The following GABRG3 variants were observed in gnomAD, a reference collection of about 807,000 sequenced individuals.
The protein encoded by GABRG3 is gamma-aminobutyric acid type A receptor subunit gamma3.
In GABRG3, 25 loss-of-function variants were observed where a neutral mutation model predicts 48.8. That is an observed-to-expected ratio of 0.51 (90% CI 0.37 to 0.72). The LOEUF is 0.72. Among genes scored for constraint, GABRG3 ranks in the 30% least tolerant of loss-of-function variants. The pLI is 0.00. For synonymous variants in GABRG3, 227 were observed against 217.6 expected (o/e 1.04, Z -0.38); for missense variants, 394 against 577.9 (o/e 0.68, Z 3.26).
chr15:27,136,067 G>T (rs1898003718), intron 3 of GABRG3, among the ~76,000 whole-genome samples: 1 of 152,208 alleles, frequency 6.6e-6, no homozygotes, highest in Non-Finnish European at 1.5e-5. Flanking sequence ...ACGAGGGGTG[G>T]CAGGGAGTCC....
chr15:27,440,487 A>T (rs528114088), intron 5 of GABRG3, among the ~76,000 whole-genome samples: 2 of 152,314 alleles, frequency 1.3e-5, no homozygotes, highest in South Asian at 2.1e-4. Context: ...ATTGGAATGT[A>T]CCTGATGCCA....
At chr15:27,393,159 A>G (rs1001292819) in intron 5 of GABRG3, among the ~76,000 whole-genome samples, 1 of 152,032 alleles carries the variant, frequency 6.6e-6, no homozygotes, top group South Asian at 2.1e-4. Flanking sequence ...TCCTGGCAAC[A>G]CGGTGAAACC....
chr15:27,120,971 A>G (rs1897721048), intron 3 of GABRG3, among the ~76,000 whole-genome samples: 1 of 152,226 alleles, frequency 6.6e-6, no homozygotes, highest in Non-Finnish European at 1.5e-5. Flanking sequence ...CCTTAAAATA[A>G]CAAAGTAAGT....
At chr15:27,232,776 C>T (rs1007398583) in intron 3 of GABRG3, among the ~76,000 whole-genome samples, 3 of 152,204 alleles carry the variant, frequency 2.0e-5, no homozygotes, top group African/African-American at 7.2e-5. Flanking sequence ...TACTAATAAA[C>T]ATTTTTAGTG....
At chr15:27,196,991 C>T (rs879940414) in intron 3 of GABRG3, among the ~76,000 whole-genome samples, 1 of 152,154 alleles carries the variant, frequency 6.6e-6, no homozygotes, top group African/African-American at 2.4e-5. Flanking sequence ...GAGCACACAG[C>T]TCTATTAAGT....
intron 3 of GABRG3, among the ~76,000 whole-genome samples, chr15:27,186,588 C>A (rs1888105747): frequency 6.6e-6 from 1 of 152,124 alleles, no homozygotes; most frequent in African/African-American, 2.4e-5. Flanking sequence ...TTTGAGAAAT[C>A]TCTAAACTGC....
rs1169596895 is a variant in GABRG3 at position 27,156,515 on chromosome 15, T to C, written c.270+129694T>C. ...AAGATACTCGCTACCATGTCATCCC[T>C]TGGGTCCTGATGCCCTAACTGGTTT... On this transcript the variant is annotated intron_variant, in intron 3 of 9. Transcript: ENST00000615808. Among the ~76,000 whole-genome samples, 5 of 152,142 alleles carry C rather than the reference T, an allele frequency of 3.3e-5. No individual in the cohort carries two copies. In the East Asian group the frequency reaches 9.6e-4, roughly 29 times the overall value.
At chr15:27,219,053 T>C (rs1031894371) in intron 3 of GABRG3, among the ~76,000 whole-genome samples, 1 of 152,178 alleles carries the variant, frequency 6.6e-6, no homozygotes, top group African/African-American at 2.4e-5. Flanking sequence ...CCACGCGTGC[T>C]CTGACCTGGC....
intron 3 of GABRG3, among the ~76,000 whole-genome samples, chr15:27,235,872 C>T (rs958862335): frequency 6.6e-6 from 1 of 152,144 alleles, no homozygotes; most frequent in African/African-American, 2.4e-5. Flanking sequence ...GTTTGCTCTG[C>T]AGACCTCTCC....
At chr15:27,306,159 CTA>C (rs563176995) in intron 3 of GABRG3, among the ~76,000 whole-genome samples, 1,252 of 119,282 alleles carry the variant, frequency 0.01, 75 homozygotes, top group African/African-American at 0.039. Flanking sequence ...TAATATAAAC[CTA>C]TATGTTTATA....
intron 3 of GABRG3, among the ~76,000 whole-genome samples, chr15:27,164,047 A>C (rs1163278416): frequency 1.3e-5 from 2 of 152,358 alleles, no homozygotes; most frequent in East Asian, 3.9e-4. Flanking sequence ...GTAATTACAC[A>C]TAGAATAAAT....
intron 3 of GABRG3, among the ~76,000 whole-genome samples, chr15:27,029,505 G>A (rs1410342018): frequency 6.6e-6 from 1 of 151,956 alleles, no homozygotes; most frequent in East Asian, 1.9e-4. Context: ...ACACACGTAC[G>A]TGTGCACACA....
chr15:27,380,284 ATGT>A (rs573955667), intron 5 of GABRG3, among the ~76,000 whole-genome samples: 243 of 152,184 alleles, frequency 1.6e-3, no homozygotes, highest in Admixed American at 3.2e-3. Context: ...CTGTTTTTAC[ATGT>A]TGTCCACTTT....
intron 5 of GABRG3, among the ~76,000 whole-genome samples, chr15:27,381,831 G>A (rs1895786889): frequency 6.6e-6 from 1 of 152,112 alleles, no homozygotes; most frequent in Admixed American, 6.6e-5. Context: ...TGTCTGCTTG[G>A]ATGTGGGGAT....
chr15:27,186,255 A>T (rs912057454), intron 3 of GABRG3, among the ~76,000 whole-genome samples: 1 of 152,266 alleles, frequency 6.6e-6, no homozygotes, highest in East Asian at 1.9e-4. Context: ...ATGTAAGAAC[A>T]TGTGGTATTT....
At chr15:27,391,089 A>AC (rs1896209365) in intron 5 of GABRG3, among the ~76,000 whole-genome samples, 1 of 148,520 alleles carries the variant, frequency 6.7e-6, no homozygotes, top group Non-Finnish European at 1.5e-5. Context: ...CTCCATCTCA[A>AC]AAAAAAAAAA....
Position 27,105,125 on chromosome 15 carries a change from G to A in GABRG3, c.270+78304G>A, listed in dbSNP as rs1287704570. 2.0e-5 allele frequency among the ~76,000 whole-genome samples: 3 copies of A among 152,174 alleles called. No individual in the cohort carries two copies. In the East Asian group the frequency reaches 5.8e-4, roughly 29 times the overall value. ...AATATTAATTAAAAATTTAAAAGCA[G>A]GAGAAGCTATGGTAATATTCAATGA... is the stretch of plus-strand genomic sequence containing the variant. On this transcript the variant is annotated intron_variant, in intron 3 of 9. Coordinates refer to ENST00000615808, the MANE Select transcript of GABRG3 (RefSeq NM_033223.5).
chr15:27,189,234 C>A (rs1888210675), intron 3 of GABRG3, among the ~76,000 whole-genome samples: 1 of 151,510 alleles, frequency 6.6e-6, no homozygotes, highest in Admixed American at 6.6e-5. Context: ...TCCATATGAA[C>A]TTTAAAGTAG....
At chr15:27,038,884 T>C (rs1012936581) in intron 3 of GABRG3, among the ~76,000 whole-genome samples, 3 of 152,160 alleles carry the variant, frequency 2.0e-5, no homozygotes, top group Non-Finnish European at 4.4e-5. Context: ...GGGAAAGGTG[T>C]GCCACTCTCC....
Sources: allele counts gnomAD v4.1 joint callset (sites outside exome capture counted in the v4.1 genomes callset), GRCh38; gene constraint gnomAD v4.1.1; transcripts MANE v1.5; gene names NCBI Gene and HGNC (gene_info 2026-07-23, HGNC 2026-07-21).